ZBTB44: variants seen among roughly 807,000 people sequenced by gnomAD.
The protein encoded by ZBTB44 is zinc finger and BTB domain containing 44.
Under a neutral mutation model 54.0 loss-of-function variants are expected in ZBTB44, and 15 were observed. That is an observed-to-expected ratio of 0.28 (90% CI 0.19 to 0.43). The LOEUF is 0.43. Ranked by LOEUF, ZBTB44 falls within the 20% of genes least tolerant of loss-of-function variation. ZBTB44 has a pLI of 1.00. For missense variants in ZBTB44, 487 were observed against 707.1 expected (o/e 0.69, Z 3.53); for synonymous variants, 230 against 250.1 (o/e 0.92, Z 0.76).
intron 1 of ZBTB44, among the ~76,000 whole-genome samples, chr11:130,291,874 C>T (rs1941318063): frequency 6.6e-6 from 1 of 152,140 alleles, no homozygotes; most frequent in Non-Finnish European, 1.5e-5. Flanking sequence ...ACATATATAT[C>T]ACCACCACAA....
rs1031195607 is a variant in ZBTB44, at chr11:130,228,052, G to A, written c.*3712C>T. On this transcript the variant is annotated 3_prime_UTR_variant, in exon 8 of 8. Transcript: ENST00000357899. The stretch of plus-strand genomic sequence containing the variant: ...TTATAAAATGGCTTTTGAAAAGATA[G>A]TAGAGGCACAAAGAAGCCATATACT... 6.6e-5 allele frequency: 10 copies of A among 152,164 alleles called. No individual in the cohort carries two copies. Among genetic ancestry groups the A allele is most frequent in the Admixed American group, 1.3e-4 (2 of 15,278 alleles). 9.4% of individuals were successfully genotyped at this position (152,164 alleles called of 1,614,324 possible).
In ZBTB44 at chr11:130,229,165, T is replaced by C. The variant is rs1403697298; in HGVS notation, c.*2599A>G. 1 of 152,176 alleles carries C rather than the reference T, an allele frequency of 6.6e-6. No individual in the cohort carries two copies. The highest frequency in any genetic ancestry group is 6.5e-5 in the Admixed American group (1 of 15,270). The allele number at this position is 152,176 out of a possible 1,614,324, so 9.4% of individuals were successfully genotyped here. On this transcript the variant is annotated 3_prime_UTR_variant, in exon 8 of 8. Transcript: ENST00000357899. ...GAGATACCAATAACATCTGAAATCT[T>C]TGCAGAGACTATTTATAAAAACATG...
At chr11:130,313,548 TAGAGA>T (rs1401136696) in intron 1 of ZBTB44, among the ~76,000 whole-genome samples, 2 of 152,140 alleles carry the variant, frequency 1.3e-5, no homozygotes, top group Non-Finnish European at 1.5e-5. Flanking sequence ...ACTGAACACC[TAGAGA>T]AAAGGAAATC....
intron 1 of ZBTB44, among the ~76,000 whole-genome samples, chr11:130,280,255 AAG>A (rs1940409448): frequency 6.6e-6 from 1 of 152,224 alleles, no homozygotes; most frequent in African/African-American, 2.4e-5. Flanking sequence ...GAGGAGAAAA[AAG>A]AGAAAAACCA....
rs560121371 is a variant in ZBTB44 at position 130,257,716 on chromosome 11, T to G, written c.1018+3140A>C. 4.6e-5 allele frequency among the ~76,000 whole-genome samples: 7 copies of G among 152,286 alleles called. No homozygotes were observed. The South Asian group carries it at 1.0e-3, about 23-fold the overall frequency. ...AGCCCAGGGAAACTCACACAGAGGG[T>G]AAAAGCACAAGAAACTAACAAAGTT... On this transcript the variant is annotated intron_variant, in intron 2 of 7. Transcript: ENST00000357899.
Position 130,261,449 on chromosome 11 carries a change from T to C in ZBTB44, c.425A>G (p.Asp142Gly). The C allele has an allele frequency of 6.2e-7, 1 of 1,614,030 alleles. No individual in the cohort carries two copies. The highest frequency in any genetic ancestry group is 8.5e-7 in the Non-Finnish European group (1 of 1,179,892). The change falls in exon 2 of 8, where the codon GAT (aspartate) becomes GGT (glycine). Residue 142 changes from aspartate (D) to glycine (G), a missense_variant. By Grantham distance (94) the Asp-to-Gly change is moderately conservative. This residue lies in a region of ZBTB44 where 277 missense variants were observed against 306.5 expected (regional missense o/e 0.90). Coordinates refer to ENST00000357899, the MANE Select transcript of ZBTB44 (RefSeq NM_001301098.2). The surrounding 1 kb of genome is among the most constrained non-coding windows in gnomAD (Gnocchi z 4.8). The stretch of plus-strand genomic sequence containing the variant: ...GTTAGAATTATTTTCTTGTCCAGCA[T>C]CTAGACCCTTTTCAGGTTGGCTGTT... ...TPNSQPEKGL[D>G]AGQENNSNCN... is the part of the protein sequence containing the mutation.
At chr11:130,297,575 G>A (rs1057002972) in intron 1 of ZBTB44, among the ~76,000 whole-genome samples, 1 of 152,178 alleles carries the variant, frequency 6.6e-6, no homozygotes, top group African/African-American at 2.4e-5. Flanking sequence ...CAAGTTCAAG[G>A]GAGATCATTA....
At chr11:130,233,678 A>G in intron 6 of ZBTB44, 5 of 1,253,278 alleles carry the variant, frequency 4.0e-6, no homozygotes, top group Non-Finnish European at 4.0e-6. Flanking sequence ...TTTCCTCTCT[A>G]GCTAATGATC....
Position 130,283,969 on chromosome 11 carries a change from C to CAAAAAAAAAAAAAAAAAAAAAAAAAAA in ZBTB44, c.-56-22067_-56-22041dup, listed in dbSNP as rs71061377. On this transcript the variant is annotated intron_variant, in intron 1 of 7. Coordinates refer to ENST00000357899, the MANE Select transcript of ZBTB44 (RefSeq NM_001301098.2). ...TGGGTGACAGAGTAAGACTCCATCTCAAAAAAAAAAAAAAAAAAAAAAAAA... is the reference window on the plus strand; with the variant it reads ...TGGGTGACAGAGTAAGACTCCATCTCAAAAAAAAAAAAAAAAAAAAAAAAAAAAAAAAAAAAAAAAAAAAAAAAAAAA... 4.2e-4 allele frequency among the ~76,000 whole-genome samples: 19 copies of CAAAAAAAAAAAAAAAAAAAAAAAAAAA among 45,176 alleles called. 3 individuals carry two copies. Among genetic ancestry groups the CAAAAAAAAAAAAAAAAAAAAAAAAAAA allele is most frequent in the African/African-American group, 9.2e-4 (8 of 8,730 alleles). The allele number at this position is 45,176 out of a possible 152,430, so 29.6% of individuals were successfully genotyped here.
At chr11:130,304,733 A>T (rs1942176597) in intron 1 of ZBTB44, among the ~76,000 whole-genome samples, 1 of 152,224 alleles carries the variant, frequency 6.6e-6, no homozygotes, top group Non-Finnish European at 1.5e-5. Context: ...ATTTTTAGTC[A>T]GTAACATTTT....
intron 5 of ZBTB44, chr11:130,236,120 T>C (rs1462029811): frequency 7.8e-7 from 1 of 1,284,266 alleles, no homozygotes. Flanking sequence ...ATTTTATCTT[T>C]CTCTAAGTTT....
chr11:130,301,274 C>T (rs1306273759), intron 1 of ZBTB44, among the ~76,000 whole-genome samples: 2 of 152,138 alleles, frequency 1.3e-5, no homozygotes, highest in East Asian at 3.8e-4. Context: ...CTGGCTTTGG[C>T]TTTACTCCTC....
At chr11:130,252,848 C>T (rs1340381993) in intron 2 of ZBTB44, among the ~76,000 whole-genome samples, 6 of 152,164 alleles carry the variant, frequency 3.9e-5, no homozygotes, top group Admixed American at 3.9e-4. Flanking sequence ...AGCAGCACAT[C>T]AAAAAGCTTA....
At chr11:130,256,502 C>T (rs1013390837) in intron 2 of ZBTB44, among the ~76,000 whole-genome samples, 3 of 151,998 alleles carry the variant, frequency 2.0e-5, no homozygotes, top group East Asian at 1.9e-4. Flanking sequence ...ATGGTGAAAT[C>T]CCATCTCTAC....
In ZBTB44 at chr11:130,246,028, T is replaced by G. The variant is rs571035552; in HGVS notation, c.1019-6132A>C. On this transcript the variant is annotated intron_variant, in intron 2 of 7. Coordinates refer to ENST00000357899, the MANE Select transcript of ZBTB44 (RefSeq NM_001301098.2). ...AAAACTATTTTCCCTCACCCATGGCTACTGAATGCACCAACAGCTAAAAAT... is the reference window on the plus strand; with the variant it reads ...AAAACTATTTTCCCTCACCCATGGCGACTGAATGCACCAACAGCTAAAAAT... Among the ~76,000 whole-genome samples the G allele has an allele frequency of 2.6e-5, 4 of 152,352 alleles. No individual in the cohort carries two copies. The East Asian group carries it at 5.8e-4, about 22-fold the overall frequency.
chr11:130,264,442 CTAAGTT>C (rs1359636210), intron 1 of ZBTB44, among the ~76,000 whole-genome samples: 8 of 152,108 alleles, frequency 5.3e-5, no homozygotes, highest in Admixed American at 1.3e-4. Flanking sequence ...AGCTTTTACT[CTAAGTT>C]TATTAGTTCT....
At chr11:130,311,083 A>G (rs1021968188) in intron 1 of ZBTB44, among the ~76,000 whole-genome samples, 3 of 152,264 alleles carry the variant, frequency 2.0e-5, no homozygotes, top group Non-Finnish European at 4.4e-5. Context: ...TTCTTCATGC[A>G]ATATAGTCTA....
intron 1 of ZBTB44, among the ~76,000 whole-genome samples, chr11:130,262,973 A>C (rs1591981623): frequency 6.6e-6 from 1 of 152,230 alleles, no homozygotes; most frequent in African/African-American, 2.4e-5. Flanking sequence ...ATGTGGAAGG[A>C]TCACTTGAGC....
chr11:130,276,242 A>AAAAGAAAAAAAAAAG (rs1555171840), intron 1 of ZBTB44, among the ~76,000 whole-genome samples: 2 of 94,420 alleles, frequency 2.1e-5, no homozygotes, highest in African/African-American at 7.3e-5. Flanking sequence ...CAAAAAAAAA[A>AAAAGAAAAAAAAAAG]AAAAGAAAAA....
Sources: allele counts gnomAD v4.1 joint callset (sites outside exome capture counted in the v4.1 genomes callset), GRCh38; gene constraint gnomAD v4.1.1; regional missense constraint gnomAD v4.1.1; non-coding constraint Gnocchi (gnomAD v3.1); transcripts MANE v1.5; gene names NCBI Gene and HGNC (gene_info 2026-07-23, HGNC 2026-07-21).